Variants in SNX29 observed in about 807,000 individuals in gnomAD.
SNX29 encodes the protein sorting nexin 29.
A neutral mutation model predicts 102.1 loss-of-function variants in SNX29; 78 were observed. That is an observed-to-expected ratio of 0.76 (90% CI 0.64 to 0.92). The LOEUF (loss-of-function observed/expected upper bound fraction) is 0.92. Among genes scored for constraint, SNX29 ranks in the 40% least tolerant of loss-of-function variants. SNX29 has a pLI of 0.00. For missense variants in SNX29, 1,280 were observed against 1,061.7 expected (o/e 1.21, Z -2.86); for synonymous variants, 580 against 414.5 (o/e 1.40, Z -4.85).
chr16:12,128,572 C>T (rs1046951779), intron 12 of SNX29, among the ~76,000 whole-genome samples: 1 of 151,486 alleles, frequency 6.6e-6, no homozygotes, highest in African/African-American at 2.4e-5. Context: ...CCTGCCTCAG[C>T]CCCCCGAATA....
intron 16 of SNX29, among the ~76,000 whole-genome samples, chr16:12,396,126 A>G (rs1358491655): frequency 6.6e-6 from 1 of 152,196 alleles, no homozygotes; most frequent in Non-Finnish European, 1.5e-5. Context: ...CTGGGTACGC[A>G]TATCCCCTGT....
intron 4 of SNX29, among the ~76,000 whole-genome samples, chr16:12,039,627 C>T (rs2057572493): frequency 1.3e-5 from 2 of 152,134 alleles, no homozygotes; most frequent in South Asian, 4.1e-4. Context: ...TCAGAGGGGA[C>T]TGTGAGCCTG....
chr16:12,060,154 C>A (rs8052965), intron 8 of SNX29, among the ~76,000 whole-genome samples: 12,464 of 150,160 alleles, frequency 0.083, 1,316 homozygotes, highest in African/African-American at 0.24. Flanking sequence ...CAAAAAAAAA[C>A]CAATAAAAAT....
In SNX29 at chr16:12,409,158, G is replaced by A. The variant is rs146932137; in HGVS notation, c.2037+5629G>A. On this transcript the variant is annotated intron_variant, in intron 18 of 20. Coordinates refer to ENST00000566228, the MANE Select transcript of SNX29 (RefSeq NM_032167.5). ...CTTACACGGTAGGCTGTGCTGATGC[G>A]TGGCTGCTGGCAGGCACTAGCCGGA... is the stretch of plus-strand genomic sequence containing the variant. Among the ~76,000 whole-genome samples the A allele has an allele frequency of 5.9e-5, 9 of 152,282 alleles. 1 individual carries two copies. The East Asian group carries it at 7.7e-4, about 13-fold the overall frequency.
chr16:12,431,434 C>CTTCTTTTTTTTTTTTTTTTTTTTT (rs779738786), intron 18 of SNX29, among the ~76,000 whole-genome samples: 3 of 136,950 alleles, frequency 2.2e-5, no homozygotes, highest in Non-Finnish European at 3.2e-5. Flanking sequence ...TCTTCTTCTT[C>CTTCTTTTTTTTTTTTTTTTTTTTT]TTTTTTTTTT....
chr16:12,301,114 C>G (rs1327716935), intron 15 of SNX29, among the ~76,000 whole-genome samples: 2 of 152,232 alleles, frequency 1.3e-5, no homozygotes, highest in Non-Finnish European at 2.9e-5. Flanking sequence ...TGATTTCTCT[C>G]TTTCCCTCAC....
chr16:12,036,330 CTTTCT>C (rs1362059116), intron 4 of SNX29, among the ~76,000 whole-genome samples: 3 of 117,688 alleles, frequency 2.5e-5, no homozygotes, highest in South Asian at 5.1e-4. Context: ...GTTTTTCTTT[CTTTCT>C]TTTTTTTTTT....
intron 15 of SNX29, among the ~76,000 whole-genome samples, chr16:12,309,141 T>C (rs1474952981): frequency 6.6e-6 from 1 of 152,192 alleles, no homozygotes; most frequent in Admixed American, 6.5e-5. Flanking sequence ...CTGTGATTTC[T>C]ATATACAGCA....
chr16:12,044,240 A>T (rs1641833), intron 5 of SNX29, among the ~76,000 whole-genome samples: 1 of 152,046 alleles, frequency 6.6e-6, no homozygotes, highest in African/African-American at 2.4e-5. Flanking sequence ...GTAGTGTGGC[A>T]TGTTCCCTTG....
At chr16:12,325,877 C>G (rs1263363309) in intron 15 of SNX29, among the ~76,000 whole-genome samples, 1 of 151,872 alleles carries the variant, frequency 6.6e-6, no homozygotes, top group Non-Finnish European at 1.5e-5. Flanking sequence ...TTTTTTAAAG[C>G]TATTAGTTGG....
At chr16:12,231,787 A>G (rs934624718) in intron 14 of SNX29, among the ~76,000 whole-genome samples, 1 of 152,210 alleles carries the variant, frequency 6.6e-6, no homozygotes, top group Non-Finnish European at 1.5e-5. Context: ...TCTCACCAGC[A>G]TTCATAACTG....
rs1364156092 is a variant in SNX29 at position 12,046,386 on chromosome 16, C to T, written c.431C>T (p.Thr144Ile). The T allele has an allele frequency of 1.4e-5, 22 of 1,613,516 alleles. No homozygotes were observed. Among genetic ancestry groups the T allele is most frequent in the Middle Eastern group, 1.6e-4 (1 of 6,078 alleles). ...MLLADRCRLS[T>I]FYEDWSFVMD... ...TCCTTTTCTCTTTCAATCTGCAGCA[C>T]TTTTTATGAAGACTGGTCTTTTGTG... Residue 144 changes from threonine to isoleucine, a missense_variant and splice_region_variant, in exon 6 of 21, where the codon ACT (threonine) becomes ATT (isoleucine). Coordinates refer to ENST00000566228, the MANE Select transcript of SNX29 (RefSeq NM_032167.5).
At chr16:12,112,326 C>T (rs2053531937) in intron 11 of SNX29, among the ~76,000 whole-genome samples, 1 of 152,206 alleles carries the variant, frequency 6.6e-6, no homozygotes, top group South Asian at 2.1e-4. Flanking sequence ...AAGTTTGAAT[C>T]AGAACAAAGG....
chr16:12,537,924 G>T (rs971421259), intron 20 of SNX29, among the ~76,000 whole-genome samples: 2 of 150,704 alleles, frequency 1.3e-5, no homozygotes, highest in African/African-American at 4.9e-5. Flanking sequence ...GGCAGAGGTT[G>T]CAGTGAGCTG....
intron 11 of SNX29, among the ~76,000 whole-genome samples, chr16:12,079,666 C>G (rs756811677): frequency 1.3e-5 from 2 of 152,208 alleles, no homozygotes; most frequent in Non-Finnish European, 2.9e-5. Context: ...TTCAGACCTA[C>G]TCTTCTTGAA....
chr16:12,540,179 G>A (rs543469615), intron 20 of SNX29, among the ~76,000 whole-genome samples: 2 of 152,100 alleles, frequency 1.3e-5, no homozygotes, highest in East Asian at 1.9e-4. Flanking sequence ...ATTTTGAGTG[G>A]ACTTTTGTGT....
At chr16:12,559,044 AT>A (rs2078554191) in intron 20 of SNX29, among the ~76,000 whole-genome samples, 3 of 152,138 alleles carry the variant, frequency 2.0e-5, no homozygotes. Context: ...AAATTCACAC[AT>A]CGTAACTGCA....
chr16:12,574,228 G>A lies in SNX29; in HGVS notation c.*5599G>A, dbSNP rs150733445. The A allele has an allele frequency of 5.6e-4, 100 of 177,350 alleles. 1 individual carries two copies. The highest frequency in any genetic ancestry group is 2.2e-3 in the African/African-American group (93 of 42,354). 11.0% of individuals were successfully genotyped at this position (177,350 alleles called of 1,614,324 possible). On this transcript the variant is annotated 3_prime_UTR_variant, in exon 21 of 21. Coordinates refer to ENST00000566228, the MANE Select transcript of SNX29 (RefSeq NM_032167.5). ...GTGGAAATTTTGTTACAACCTGGTT[G>A]AGATCAACCTCTTTACAATGACACA...
chr16:12,147,169 A>G (rs1479493949), intron 13 of SNX29, among the ~76,000 whole-genome samples: 3 of 152,264 alleles, frequency 2.0e-5, no homozygotes, highest in African/African-American at 7.2e-5. Context: ...CGTCAGAGTC[A>G]TTAGTACCCA....
Sources: allele counts gnomAD v4.1 joint callset (sites outside exome capture counted in the v4.1 genomes callset), GRCh38; gene constraint gnomAD v4.1.1; transcripts MANE v1.5; gene names NCBI Gene and HGNC (gene_info 2026-07-23, HGNC 2026-07-21).